CCDC178: variants seen among roughly 807,000 people sequenced by gnomAD.
The protein encoded by CCDC178 is coiled-coil domain containing 178, also known as coiled-coil domain-containing protein 178.
Under a neutral mutation model 117.4 loss-of-function variants are expected in CCDC178, and 126 were observed. That is an observed-to-expected ratio of 1.07 (90% confidence interval 0.93 to 1.24). The LOEUF (loss-of-function observed/expected upper bound fraction) is 1.24. Among genes scored for constraint, CCDC178 ranks in the 50% most tolerant of loss-of-function variants. The probability of loss-of-function intolerance (pLI) is 0.00; values close to 1 mark genes in which losing one functional copy is unlikely to be tolerated. For missense variants in CCDC178, 1,030 were observed against 986.9 expected (o/e 1.04, Z -0.59); for synonymous variants, 283 against 313.4 (o/e 0.90, Z 1.02).
chr18:33,233,732 T>G (rs572105877), intron 15 of CCDC178, among the ~76,000 whole-genome samples: 90 of 152,200 alleles, frequency 5.9e-4, no homozygotes, highest in African/African-American at 2.1e-3. Flanking sequence ...CACCCAAAGG[T>G]ACCATATAGA....
chr18:33,038,337 T>C (rs1260099573), intron 21 of CCDC178, among the ~76,000 whole-genome samples: 1 of 151,984 alleles, frequency 6.6e-6, no homozygotes, highest in Non-Finnish European at 1.5e-5. Flanking sequence ...ACAAAGCAGA[T>C]ATTATGTCAT....
At chr18:33,225,072 G>T in intron 16 of CCDC178, 136 bp from the exon 17 acceptor site, 1 of 386,706 alleles carries the variant, frequency 2.6e-6, no homozygotes, top group South Asian at 8.9e-5. Flanking sequence ...ATAAAAAATG[G>T]ATACGAATGT....
chr18:32,995,000 TAGC>T (rs1424686002), intron 21 of CCDC178, among the ~76,000 whole-genome samples: 1 of 152,232 alleles, frequency 6.6e-6, no homozygotes, highest in African/African-American at 2.4e-5. Flanking sequence ...ATTTTGATGA[TAGC>T]AGCTCAGTTA....
intron 2 of CCDC178, among the ~76,000 whole-genome samples, chr18:33,429,789 G>A (rs555369194): frequency 6.6e-6 from 1 of 152,130 alleles, no homozygotes; most frequent in East Asian, 1.9e-4. Flanking sequence ...CTAGAGAATA[G>A]AGAGTATTTG....
intron 20 of CCDC178, among the ~76,000 whole-genome samples, chr18:33,133,077 T>TA (rs2058085341): frequency 6.6e-6 from 1 of 151,800 alleles, no homozygotes; most frequent in Non-Finnish European, 1.5e-5. Flanking sequence ...TAACTCCAAT[T>TA]AACTCTAATG....
At chr18:33,075,807 A>G (rs575787993) in intron 21 of CCDC178, among the ~76,000 whole-genome samples, 68 of 152,124 alleles carry the variant, frequency 4.5e-4, no homozygotes, top group Non-Finnish European at 6.5e-4. Context: ...CATCTCTACT[A>G]AAAATACAAA....
In CCDC178 at chr18:33,092,913, A is replaced by G. The variant is rs1216456046; in HGVS notation, c.2239-3T>C. On this transcript the variant is annotated splice_polypyrimidine_tract_variant and splice_region_variant and intron_variant, in intron 20 of 22. Coordinates refer to ENST00000383096, the MANE Select transcript of CCDC178 (RefSeq NM_001105528.4). ...TCAAGTGAATCAGCTATTATTTTCT[A>G]GAAGGTAAAAAAATATAATTGAATT... is the stretch of plus-strand genomic sequence containing the variant. 4.9e-5 allele frequency: 74 copies of G among 1,523,308 alleles called. No individual in the cohort carries two copies. The highest frequency in any genetic ancestry group is 6.5e-5 in the Non-Finnish European group (73 of 1,127,670). 94.4% of individuals were successfully genotyped at this position (1,523,308 alleles called of 1,614,324 possible).
At chr18:33,154,482 AAAT>A (rs2058372555) in intron 20 of CCDC178, among the ~76,000 whole-genome samples, 1 of 152,188 alleles carries the variant, frequency 6.6e-6, no homozygotes, top group Non-Finnish European at 1.5e-5. Flanking sequence ...AAAGAGATGG[AAAT>A]AATGAGTGAA....
At chr18:33,101,061 A>C (rs2057619283) in intron 20 of CCDC178, among the ~76,000 whole-genome samples, 3 of 152,008 alleles carry the variant, frequency 2.0e-5, no homozygotes, top group Admixed American at 6.6e-5. Context: ...AGTAAGTGAC[A>C]GGCACAGTAA....
chr18:33,225,407 G>A (rs2059291090), intron 16 of CCDC178, among the ~76,000 whole-genome samples: 1 of 152,040 alleles, frequency 6.6e-6, no homozygotes, highest in Non-Finnish European at 1.5e-5. Flanking sequence ...CGATCCACCC[G>A]CCTTGGCCTC....
chr18:33,438,213 G>A (rs183474144), intron 2 of CCDC178, among the ~76,000 whole-genome samples: 1 of 152,222 alleles, frequency 6.6e-6, no homozygotes, highest in African/African-American at 2.4e-5. Context: ...AGACCAAGCA[G>A]AGAAAGCCAG....
chr18:33,087,073 A>T (rs1390500261), intron 21 of CCDC178, among the ~76,000 whole-genome samples: 3 of 151,352 alleles, frequency 2.0e-5, no homozygotes, highest in Non-Finnish European at 2.9e-5. Context: ...TTTTATCTTA[A>T]ATATTTTTGA....
At position 32,983,648 on chromosome 18, in the gene CCDC178, T is replaced by C. The variant is rs550780706; in HGVS notation, c.2389-8967A>G. The stretch of plus-strand genomic sequence containing the variant: ...AGATAGAAAGAAGGTAGATAGATAA[T>C]AGCACAAATACATTCATTTATTTGC... On this transcript the variant is annotated intron_variant, in intron 21 of 22. Transcript: ENST00000383096. Among the ~76,000 whole-genome samples, 6 of 152,234 alleles carry C rather than the reference T, an allele frequency of 3.9e-5. No homozygotes were observed. In the South Asian group the frequency reaches 1.2e-3, roughly 32 times the overall value.
In CCDC178 at chr18:33,125,443, A is replaced by G. The variant is rs2144231261; in HGVS notation, c.2239-32533T>C. Among the ~76,000 whole-genome samples, 4 of 152,312 alleles carry G rather than the reference A, an allele frequency of 2.6e-5. 1 individual carries two copies. The South Asian group carries it at 8.3e-4, about 32-fold the overall frequency. Reference sequence around the variant, plus strand: ...TAAAAATAATAAGGAAATGTTGATGATAATCTTAAAAAACACCTAAATGAC... The same window carrying G: ...TAAAAATAATAAGGAAATGTTGATGGTAATCTTAAAAAACACCTAAATGAC... On this transcript the variant is annotated intron_variant, in intron 20 of 22. Transcript: ENST00000383096.
At chr18:32,981,080 T>A (rs2055145254) in intron 21 of CCDC178, among the ~76,000 whole-genome samples, 1 of 152,044 alleles carries the variant, frequency 6.6e-6, no homozygotes, top group South Asian at 2.1e-4. Context: ...TGGTGGCTCA[T>A]GTCTGTAATC....
At chr18:33,216,905 G>C (rs1033611386) in intron 18 of CCDC178, among the ~76,000 whole-genome samples, 1 of 151,992 alleles carries the variant, frequency 6.6e-6, no homozygotes, top group Non-Finnish European at 1.5e-5. Flanking sequence ...GACAGAGAGC[G>C]GACAGGTGTG....
At chr18:33,356,248 A>T in intron 7 of CCDC178, 76 bp downstream of exon 7, 1 of 1,348,594 alleles carries the variant, frequency 7.4e-7, no homozygotes, top group Non-Finnish European at 1.0e-6. Context: ...TTTTGAAGTT[A>T]AACTGGATTA....
intron 12 of CCDC178, among the ~76,000 whole-genome samples, chr18:33,281,217 A>G (rs762952715): frequency 6.6e-4 from 100 of 152,116 alleles, no homozygotes; most frequent in Non-Finnish European, 1.1e-3. Context: ...GTGATTTTAA[A>G]TATGTGCTAT....
intron 18 of CCDC178, among the ~76,000 whole-genome samples, chr18:33,219,412 C>G (rs1212160459): frequency 6.6e-6 from 1 of 152,030 alleles, no homozygotes; most frequent in African/African-American, 2.4e-5. Context: ...TTGACCCAGC[C>G]ATCCCATTAC....
Sources: gnomAD v4.1 joint callset for allele counts (sites outside exome capture counted in the v4.1 genomes callset) on GRCh38, gnomAD v4.1.1 for gene constraint, MANE v1.5 for transcripts, NCBI Gene and HGNC (gene_info 2026-07-23, HGNC 2026-07-21) for gene names.